The following CSMD1 variants were observed in gnomAD, a reference collection of about 807,000 sequenced individuals.
CSMD1 encodes the protein CUB and sushi domain-containing protein 1.
Under a neutral mutation model 417.5 loss-of-function variants are expected in CSMD1, and 213 were observed. The ratio of observed to expected loss-of-function variants is 0.51; its 90% CI spans 0.46 to 0.57. The LOEUF is 0.57. CSMD1 is among the 20% of genes least tolerant of loss of function. The pLI, the probability that CSMD1 is intolerant of heterozygous loss-of-function variation, is 0.00. For missense variants in CSMD1, 6,923 were observed against 4,529.7 expected, an observed-to-expected ratio of 1.53 and a Z score of -15.17; for synonymous variants, 2,862 against 1,736.8, an observed-to-expected ratio of 1.65 and a Z score of -16.11.
At chr8:4,585,605 G>GA (rs1393284087) in intron 2 of CSMD1, among the ~76,000 whole-genome samples, 2 of 151,932 alleles carry the variant, frequency 1.3e-5, no homozygotes, top group Non-Finnish European at 2.9e-5. Flanking sequence ...ATTACAAAGA[G>GA]AAAAATTTTA....
intron 11 of CSMD1, among the ~76,000 whole-genome samples, chr8:3,488,327 C>T (rs1818176548): frequency 6.6e-6 from 1 of 152,010 alleles, no homozygotes; most frequent in Non-Finnish European, 1.5e-5. Flanking sequence ...AGGTTGGTCT[C>T]AAACTTTTGG....
chr8:4,009,269 A>T (rs879009461), intron 4 of CSMD1, among the ~76,000 whole-genome samples: 1 of 152,222 alleles, frequency 6.6e-6, no homozygotes, highest in Non-Finnish European at 1.5e-5. Context: ...AGACTTTTTA[A>T]AAAAGTGTAT....
At chr8:3,337,371 G>A (rs1461424269) in intron 23 of CSMD1, among the ~76,000 whole-genome samples, 2 of 152,064 alleles carry the variant, frequency 1.3e-5, no homozygotes, top group Non-Finnish European at 2.9e-5. Flanking sequence ...AGCAAGCCAG[G>A]GAAAGTCATT....
At chr8:3,950,897 A>G (rs180957230) in intron 5 of CSMD1, among the ~76,000 whole-genome samples, 36 of 152,332 alleles carry the variant, frequency 2.4e-4, no homozygotes, top group Admixed American at 3.9e-4. Flanking sequence ...AGAATACTTA[A>G]TAAAAAATAA....
At chr8:3,341,698 G>A (rs1167315905) in intron 23 of CSMD1, among the ~76,000 whole-genome samples, 3 of 152,144 alleles carry the variant, frequency 2.0e-5, no homozygotes, top group Admixed American at 1.3e-4. Flanking sequence ...AAAAAGCAAC[G>A]AAAATGTGTT....
intron 10 of CSMD1, among the ~76,000 whole-genome samples, chr8:3,551,287 G>GA (rs1385295557): frequency 2.0e-5 from 3 of 152,064 alleles, no homozygotes; most frequent in Non-Finnish European, 2.9e-5. Context: ...TGTACTACAG[G>GA]ACTGTCATAT....
chr8:3,865,773 T>C lies in CSMD1; in HGVS notation c.819-111731A>G, dbSNP rs147119248. Among the ~76,000 whole-genome samples the C allele has an allele frequency of 1.8e-3, 278 of 152,278 alleles. 1 individual carries two copies. Among genetic ancestry groups the C allele is most frequent in the Non-Finnish European group, 1.7e-3 (114 of 68,028 alleles). On this transcript the variant is annotated intron_variant, in intron 5 of 69. Transcript: ENST00000635120. Reference sequence around the variant, plus strand: ...AGTAATGCTATTTGCTAGGTTTCCGTCATATTTCTCTAAAATAAGTGCCTC... The same window carrying C: ...AGTAATGCTATTTGCTAGGTTTCCGCCATATTTCTCTAAAATAAGTGCCTC...
intron 58 of CSMD1, 60 bp from the exon 59 acceptor site, chr8:2,966,014 C>T: frequency 7.0e-7 from 1 of 1,423,116 alleles, no homozygotes; most frequent in Non-Finnish European, 9.7e-7. Context: ...ATGAATTAGT[C>T]ACCATTTCTA....
intron 48 of CSMD1, among the ~76,000 whole-genome samples, chr8:3,090,118 T>C (rs959856446): frequency 3.3e-5 from 5 of 151,470 alleles, no homozygotes; most frequent in Non-Finnish European, 4.4e-5. Context: ...ATCGTGACCA[T>C]CCTGGCTAAC....
At chr8:3,895,167 A>G (rs1156952712) in intron 5 of CSMD1, among the ~76,000 whole-genome samples, 1 of 152,226 alleles carries the variant, frequency 6.6e-6, no homozygotes, top group Non-Finnish European at 1.5e-5. Flanking sequence ...TCACTAATTC[A>G]GAGACACCAA....
At chr8:2,985,931 G>A (rs1210887900) in intron 54 of CSMD1, among the ~76,000 whole-genome samples, 1 of 145,488 alleles carries the variant, frequency 6.9e-6, no homozygotes, top group Admixed American at 6.8e-5. Context: ...GAAGGGGAGG[G>A]GAGGGAAGGG....
At chr8:4,964,363 A>G (rs1218737709) in intron 1 of CSMD1, among the ~76,000 whole-genome samples, 1 of 151,778 alleles carries the variant, frequency 6.6e-6, no homozygotes, top group Non-Finnish European at 1.5e-5. Context: ...AAGTACAAGA[A>G]AAAAAATAAG....
At chr8:3,307,575 C>G (rs550131769) in intron 25 of CSMD1, 120 bp downstream of exon 25, 1 of 1,187,926 alleles carries the variant, frequency 8.4e-7, no homozygotes, top group Non-Finnish European at 1.2e-6. Context: ...TACAGCTTTA[C>G]CTTTTCTTCT....
intron 26 of CSMD1, among the ~76,000 whole-genome samples, chr8:3,269,377 G>C (rs1010506261): frequency 6.6e-6 from 1 of 152,196 alleles, no homozygotes; most frequent in African/African-American, 2.4e-5. Flanking sequence ...GAGAAACTTG[G>C]ACCATCAACC....
At chr8:3,858,473 T>G (rs1410804006) in intron 5 of CSMD1, among the ~76,000 whole-genome samples, 1 of 152,158 alleles carries the variant, frequency 6.6e-6, no homozygotes, top group South Asian at 2.1e-4. Context: ...ACTCTATCTT[T>G]AGATAATAAT....
intron 4 of CSMD1, among the ~76,000 whole-genome samples, chr8:4,002,795 T>A (rs1815793960): frequency 6.6e-6 from 1 of 152,130 alleles, no homozygotes; most frequent in Admixed American, 6.5e-5. Context: ...TAGAAAGTTT[T>A]AAAATATCAA....
intron 6 of CSMD1, among the ~76,000 whole-genome samples, chr8:3,728,214 G>C (rs992586159): frequency 6.6e-6 from 1 of 152,146 alleles, no homozygotes. Flanking sequence ...CATGTGATCT[G>C]ATGGTTTTAC....
At chr8:4,072,679 C>G (rs1044072821) in intron 3 of CSMD1, among the ~76,000 whole-genome samples, 4 of 152,272 alleles carry the variant, frequency 2.6e-5, no homozygotes, top group East Asian at 1.9e-4. Flanking sequence ...CTGTGGATCT[C>G]CTAGAATGAT....
At chr8:3,939,778 A>C (rs1209947396) in intron 5 of CSMD1, among the ~76,000 whole-genome samples, 1 of 152,168 alleles carries the variant, frequency 6.6e-6, no homozygotes, top group Non-Finnish European at 1.5e-5. Flanking sequence ...TGGAAAAACA[A>C]ACGTCATATG....
Sources: gnomAD v4.1 joint callset for allele counts (sites outside exome capture counted in the v4.1 genomes callset) on GRCh38, gnomAD v4.1.1 for gene constraint, MANE v1.5 for transcripts, NCBI Gene and HGNC (gene_info 2026-07-23, HGNC 2026-07-21) for gene names.